ECPAS: variants seen among roughly 807,000 people sequenced by gnomAD.
The protein encoded by ECPAS is proteasome adapter and scaffold protein ECM29.
A neutral mutation model predicts 255.1 loss-of-function variants in ECPAS; 70 were observed. The ratio of observed to expected loss-of-function variants is 0.27; its 90% CI spans 0.23 to 0.33. ECPAS has a LOEUF of 0.33. Among genes scored for constraint, ECPAS ranks in the 10% least tolerant of loss-of-function variants. The pLI is 1.00. For missense variants in ECPAS, 1,817 were observed against 2,206.4 expected (o/e 0.82, Z 3.54); for synonymous variants, 784 against 775.0 (o/e 1.01, Z -0.19).
chr9:111,397,902 T>C (rs1322750479), intron 24 of ECPAS, among the ~76,000 whole-genome samples: 1 of 152,212 alleles, frequency 6.6e-6, no homozygotes, highest in Non-Finnish European at 1.5e-5. Flanking sequence ...AAGTCAAACA[T>C]TAGAAAATTC....
intron 48 of ECPAS, 38 bp from the exon 49 acceptor site, chr9:111,363,697 G>GA: frequency 1.1e-6 from 1 of 935,640 alleles, no homozygotes; most frequent in Non-Finnish European, 1.7e-6. Context: ...TGGCCTGCCT[G>GA]AAAAACACAA....
rs191971414 is a variant in ECPAS at position 111,418,620 on chromosome 9, T to C, written c.1560-614A>G. Among the ~76,000 whole-genome samples the C allele has an allele frequency of 4.3e-4, 66 of 152,328 alleles. 1 individual carries two copies. In the East Asian group the frequency reaches 0.012, roughly 27 times the overall value. On this transcript the variant is annotated intron_variant, in intron 16 of 49. Transcript: ENST00000684092. ...AAAGAAAGAATTAATAAATAATTCC[T>C]TAAGTTGTCAGAGGATTTTCATTTG...
chr9:111,411,698 A>G (rs1239077610), intron 21 of ECPAS: 3 of 220,034 alleles, frequency 1.4e-5, no homozygotes, highest in Non-Finnish European at 2.6e-5. Flanking sequence ...TTAGTTTCCA[A>G]GATCAGATGA....
At chr9:111,461,465 A>T (rs1296615466) in intron 2 of ECPAS, among the ~76,000 whole-genome samples, 1 of 152,116 alleles carries the variant, frequency 6.6e-6, no homozygotes, top group African/African-American at 2.4e-5. Context: ...ACCTTGTCTC[A>T]AAAAAATAAA....
intron 3 of ECPAS, among the ~76,000 whole-genome samples, chr9:111,445,296 A>T (rs1332527532): frequency 6.6e-6 from 1 of 152,002 alleles, no homozygotes; most frequent in Non-Finnish European, 1.5e-5. Flanking sequence ...CGCCTGGCCA[A>T]GTGAATTTAT....
intron 43 of ECPAS, 68 bp downstream of exon 43, chr9:111,371,553 C>A (rs1372696701): frequency 2.9e-6 from 4 of 1,360,058 alleles, no homozygotes; most frequent in Admixed American, 1.8e-5. Flanking sequence ...AAAACCAGAT[C>A]GTTACTATTA....
At chr9:111,375,948 G>C (rs765423871) in intron 37 of ECPAS, among the ~76,000 whole-genome samples, 1 of 152,116 alleles carries the variant, frequency 6.6e-6, no homozygotes, top group East Asian at 1.9e-4. Flanking sequence ...AACCATTACA[G>C]GGAATGCACA....
chr9:111,423,118 AT>A, intron 13 of ECPAS, 80 bp downstream of exon 13: 3 of 947,794 alleles, frequency 3.2e-6, no homozygotes. Context: ...CGACAAATTT[AT>A]TCTCCGCCAT....
rs140345721 is a variant in ECPAS, at chr9:111,482,032, C to T, written c.-83+2084G>A. ...TGGAAATGGATGGTGGTGATGATTACACAACAGTGTGAATGTACTCAATCC... is the reference window on the plus strand; with the variant it reads ...TGGAAATGGATGGTGGTGATGATTATACAACAGTGTGAATGTACTCAATCC... On this transcript the variant is annotated intron_variant, in intron 1 of 49. Coordinates refer to ENST00000684092, the MANE Select transcript of ECPAS (RefSeq NM_001364929.1). 2.0e-5 allele frequency among the ~76,000 whole-genome samples: 3 copies of T among 152,302 alleles called. No homozygotes were observed. The East Asian group carries it at 5.8e-4, about 29-fold the overall frequency.
chr9:111,443,397 C>T (rs1002888120), intron 4 of ECPAS, among the ~76,000 whole-genome samples: 6 of 152,152 alleles, frequency 3.9e-5, no homozygotes, highest in Non-Finnish European at 7.4e-5. Context: ...ACTACAGGCA[C>T]GCGCCACCAC....
intron 4 of ECPAS, among the ~76,000 whole-genome samples, chr9:111,443,355 A>T (rs897135852): frequency 6.6e-6 from 1 of 152,130 alleles, no homozygotes; most frequent in African/African-American, 2.4e-5. Flanking sequence ...GGTTCAAGTG[A>T]TTCCCCTGCC....
chr9:111,414,679 C>A (rs768441439), intron 18 of ECPAS, 28 bp from the exon 19 acceptor site: 4 of 1,577,824 alleles, frequency 2.5e-6, no homozygotes, highest in African/African-American at 2.7e-5. Context: ...AGGAAGACTG[C>A]ATAAGCTTCT....
intron 18 of ECPAS, among the ~76,000 whole-genome samples, chr9:111,415,656 G>A (rs1256053864): frequency 2.0e-5 from 3 of 150,336 alleles, no homozygotes; most frequent in South Asian, 2.1e-4. Context: ...CCGAGATCAC[G>A]CCATTCACTG....
chr9:111,413,831 A>C, intron 20 of ECPAS, 64 bp downstream of exon 20: 1 of 1,054,702 alleles, frequency 9.5e-7, no homozygotes, highest in East Asian at 2.7e-5. Context: ...GGCAGGAAAA[A>C]GAAATCATGA....
chr9:111,423,525 A>G (rs975708223), intron 12 of ECPAS, among the ~76,000 whole-genome samples: 8 of 152,198 alleles, frequency 5.3e-5, no homozygotes, highest in Non-Finnish European at 1.0e-4. Flanking sequence ...CATAGATATG[A>G]AAGGTTTCTC....
intron 2 of ECPAS, among the ~76,000 whole-genome samples, chr9:111,454,331 C>A (rs1030620707): frequency 2.0e-5 from 3 of 151,986 alleles, no homozygotes; most frequent in African/African-American, 7.3e-5. Flanking sequence ...GGTGCGGCGG[C>A]AGGAGGGTGT....
At chr9:111,433,210 A>G in intron 8 of ECPAS, 23 bp downstream of exon 8, 1 of 1,604,472 alleles carries the variant, frequency 6.2e-7, no homozygotes, top group Admixed American at 1.7e-5. Flanking sequence ...TTCAATCTTG[A>G]AAGTTTACAG....
At chr9:111,371,925 C>A in intron 42 of ECPAS, 96 bp from the exon 43 acceptor site, 1 of 873,624 alleles carries the variant, frequency 1.1e-6, no homozygotes, top group South Asian at 1.6e-5. Context: ...AGTCTAAAAG[C>A]AGTGACTCTC....
intron 2 of ECPAS, 76 bp from the exon 3 acceptor site, chr9:111,451,631 T>G: frequency 2.9e-6 from 4 of 1,371,642 alleles, no homozygotes; most frequent in Non-Finnish European, 3.9e-6. Flanking sequence ...TATAGCTTAT[T>G]CTTTTTTTCT....
Sources: allele counts gnomAD v4.1 joint callset (sites outside exome capture counted in the v4.1 genomes callset), GRCh38; gene constraint gnomAD v4.1.1; transcripts MANE v1.5; gene names NCBI Gene and HGNC (gene_info 2026-07-23, HGNC 2026-07-21).